The following CHODL variants were observed in gnomAD, a reference collection of about 807,000 sequenced individuals.
The protein encoded by CHODL is transmembrane protein MT75.
CHODL carries 29 observed loss-of-function variants against 34.5 expected under a neutral mutation model. The observed-to-expected ratio is 0.84, with a 90% CI of 0.63 to 1.15. CHODL has a LOEUF of 1.15. Among genes scored for constraint, CHODL ranks in the 50% most tolerant of loss-of-function variants. The pLI, the probability that CHODL is intolerant of heterozygous loss-of-function variation, is 0.00. For missense variants in CHODL, 332 were observed against 332.5 expected (o/e 1.00, Z 0.01); for synonymous variants, 125 against 116.1 (o/e 1.08, Z -0.49).
intron 1 of CHODL, among the ~76,000 whole-genome samples, chr21:18,253,198 G>T (rs1171547670): frequency 6.6e-6 from 1 of 151,836 alleles, no homozygotes; most frequent in Admixed American, 6.6e-5. Flanking sequence ...AATATATCAG[G>T]GATAATGAAC....
At position 18,064,588 on chromosome 21, in the gene CHODL, C is replaced by G. The variant is rs145429951; in HGVS notation, c.-45+36617C>G. On this transcript the variant is annotated intron_variant, in intron 2 of 6. Transcript: ENST00000400127. ...ATTGGCTTATGAGCCTGCCAGCTTT[C>G]AGACTGGAACTTGCACCATTGGTTC... is the stretch of plus-strand genomic sequence containing the variant. Among the ~76,000 whole-genome samples, 31 of 152,288 alleles carry G rather than the reference C, an allele frequency of 2.0e-4. No individual in the cohort carries two copies. In the East Asian group the frequency reaches 5.2e-3, roughly 26 times the overall value.
intron 1 of CHODL, among the ~76,000 whole-genome samples, chr21:18,001,460 T>C (rs536985687): frequency 3.3e-5 from 5 of 152,368 alleles, no homozygotes; most frequent in African/African-American, 1.2e-4. Flanking sequence ...CTTTTTGTTA[T>C]AAATACAGTG....
intron 2 of CHODL, among the ~76,000 whole-genome samples, chr21:18,147,311 G>T (rs909621646): frequency 2.0e-5 from 3 of 152,180 alleles, no homozygotes; most frequent in Non-Finnish European, 4.4e-5. Flanking sequence ...TGTGGAAGTA[G>T]CTAGAATCTA....
chr21:18,002,661 G>A (rs1187858015), intron 1 of CHODL, among the ~76,000 whole-genome samples: 1 of 152,106 alleles, frequency 6.6e-6, no homozygotes, highest in Non-Finnish European at 1.5e-5. Flanking sequence ...CCTAGCCCTA[G>A]CAGACCTCAT....
intron 2 of CHODL, among the ~76,000 whole-genome samples, chr21:18,211,247 T>TAATTACATAGTCTCTTC (rs1263466303): frequency 1.3e-5 from 2 of 152,108 alleles, no homozygotes; most frequent in Non-Finnish European, 2.9e-5. Flanking sequence ...AAATGTGTTT[T>TAATTACATAGTCTCTTC]AATTACATAG....
At chr21:17,986,542 C>T (rs1019298375) in intron 1 of CHODL, among the ~76,000 whole-genome samples, 2 of 152,100 alleles carry the variant, frequency 1.3e-5, no homozygotes, top group Non-Finnish European at 2.9e-5. Flanking sequence ...TACATGCCAC[C>T]CTTTCTTAAT....
intron 2 of CHODL, among the ~76,000 whole-genome samples, chr21:18,168,791 T>C (rs940496950): frequency 5.9e-5 from 9 of 152,332 alleles, no homozygotes; most frequent in African/African-American, 2.2e-4. Flanking sequence ...TCTTGCTTTT[T>C]TCTTTTGTTA....
chr21:18,079,869 TTGAA>T (rs2064920065), intron 2 of CHODL, among the ~76,000 whole-genome samples: 1 of 92,114 alleles, frequency 1.1e-5, no homozygotes, highest in African/African-American at 2.9e-5. Flanking sequence ...GATTGCTAGA[TTGAA>T]TGGCAGTCCT....
chr21:18,068,306 C>T (rs1253457260), intron 2 of CHODL, among the ~76,000 whole-genome samples: 1 of 151,850 alleles, frequency 6.6e-6, no homozygotes, highest in African/African-American at 2.4e-5. Context: ...AAGTGATTCT[C>T]CTGCCTCAGC....
intron 2 of CHODL, among the ~76,000 whole-genome samples, chr21:18,214,115 C>A (rs1022861919): frequency 1.3e-5 from 2 of 152,040 alleles, no homozygotes; most frequent in South Asian, 4.1e-4. Context: ...TGTCATCCAC[C>A]TATTTCTTCC....
chr21:18,014,710 GT>G (rs2064054737), intron 1 of CHODL, among the ~76,000 whole-genome samples: 1 of 152,152 alleles, frequency 6.6e-6, no homozygotes, highest in African/African-American at 2.4e-5. Flanking sequence ...GCCATATGAT[GT>G]GCTTACTCCT....
At chr21:18,249,604 TG>T (rs2074210720) in intron 1 of CHODL, among the ~76,000 whole-genome samples, 2 of 152,080 alleles carry the variant, frequency 1.3e-5, no homozygotes, top group Non-Finnish European at 2.9e-5. Flanking sequence ...ACATGCACAG[TG>T]TTTGTGTTCA....
rs959792681 is a variant in CHODL at position 18,234,837 on chromosome 21, G to A, written c.-44-21672G>A. On this transcript the variant is annotated intron_variant, in intron 2 of 6. Coordinates refer to the CHODL transcript ENST00000400127. ...TGGTTCTGGGTTAACTTACCTTCTT[G>A]TTGAGAAGGTAAAATAAGTACATGT... Among the ~76,000 whole-genome samples the A allele has an allele frequency of 1.3e-4, 20 of 152,088 alleles. 1 individual carries two copies. The highest frequency in any genetic ancestry group is 4.6e-4 in the Admixed American group (7 of 15,244).
At chr21:17,942,681 T>A (rs2063375334) in intron 1 of CHODL, among the ~76,000 whole-genome samples, 1 of 152,248 alleles carries the variant, frequency 6.6e-6, no homozygotes, top group African/African-American at 2.4e-5. Flanking sequence ...AATGTGGTAG[T>A]CAGTTTTATA....
chr21:18,105,374 C>G (rs568025380), intron 2 of CHODL, among the ~76,000 whole-genome samples: 1 of 152,172 alleles, frequency 6.6e-6, no homozygotes. Context: ...GTGGCTGACA[C>G]CTGACTTATG....
intron 2 of CHODL, among the ~76,000 whole-genome samples, chr21:18,171,204 T>TTTTTTTTTTC (rs2073225445): frequency 2.6e-5 from 1 of 38,434 alleles, no homozygotes; most frequent in Non-Finnish European, 4.8e-5. Context: ...TTTAGTTTTT[T>TTTTTTTTTTC]TTTTTTTTTT....
At chr21:18,221,422 TG>T (rs879860479) in intron 2 of CHODL, among the ~76,000 whole-genome samples, 1 of 152,216 alleles carries the variant, frequency 6.6e-6, no homozygotes, top group Non-Finnish European at 1.5e-5. Context: ...AAAACTATTG[TG>T]TTCTCTTGGA....
chr21:18,210,122 CT>C (rs2073757216), intron 2 of CHODL, among the ~76,000 whole-genome samples: 1 of 152,184 alleles, frequency 6.6e-6, no homozygotes, highest in African/African-American at 2.4e-5. Context: ...TCCCAGAGTA[CT>C]TCATCCCAGG....
intron 2 of CHODL, among the ~76,000 whole-genome samples, chr21:18,098,584 G>A (rs1382827927): frequency 6.6e-6 from 1 of 152,094 alleles, no homozygotes; most frequent in African/African-American, 2.4e-5. Flanking sequence ...ACAAATGCTG[G>A]TGAGAATGTG....
Sources: gnomAD v4.1 joint callset for allele counts (sites outside exome capture counted in the v4.1 genomes callset) on GRCh38, gnomAD v4.1.1 for gene constraint, MANE v1.5 for transcripts, NCBI Gene and HGNC (gene_info 2026-07-23, HGNC 2026-07-21) for gene names.